The following GSE1 variants were observed in gnomAD, a reference collection of about 807,000 sequenced individuals.
GSE1 encodes the protein Gse1 coiled-coil protein, also known as genetic suppressor element 1.
GSE1 carries 32 observed loss-of-function variants against 112.6 expected under a neutral mutation model. That is an observed-to-expected ratio of 0.28 (90% CI 0.21 to 0.38). The LOEUF is 0.38. Ranked by LOEUF, GSE1 falls within the 10% of genes least tolerant of loss-of-function variation. The pLI, the probability that GSE1 is intolerant of heterozygous loss-of-function variation, is 1.00. For synonymous variants in GSE1, 1,115 were observed against 735.6 expected (o/e 1.52, Z -8.35); for missense variants, 2,348 against 1,699.2 (o/e 1.38, Z -6.71).
upstream of GSE1, among the ~76,000 whole-genome samples, chr16:85,608,447 G>A (rs922123012): frequency 2.4e-4 from 28 of 118,506 alleles, no homozygotes; most frequent in African/African-American, 9.0e-4. Flanking sequence ...TCCCTCCCCC[G>A]GCCCCCAACC....
intron 1 of GSE1, among the ~76,000 whole-genome samples, chr16:85,296,326 C>G (rs185783526): frequency 6.6e-6 from 1 of 152,090 alleles, no homozygotes. Flanking sequence ...AACAAAGGGC[C>G]GGGTGCAGTG....
intron 1 of GSE1, among the ~76,000 whole-genome samples, chr16:85,328,806 G>T (rs1597401037): frequency 3.4e-4 from 1 of 2,900 alleles, no homozygotes; most frequent in Non-Finnish European, 6.8e-4. Context: ...TCCCCGCCCC[G>T]GGGCCTCCCC....
chr16:85,323,718 C>T (rs938938994), intron 1 of GSE1, among the ~76,000 whole-genome samples: 1 of 152,216 alleles, frequency 6.6e-6, no homozygotes, highest in Admixed American at 6.5e-5. Flanking sequence ...GGGCCGGCCC[C>T]AAGGGGGGCA....
rs552815571 is a variant in GSE1 at position 85,289,878 on chromosome 16, C to T, written c.2284-67585C>T. ...CCACGGTTTTACTCAGAAAGAAGCC[C>T]CTGGTAGAGCTTCTGAGCATGTGTG... is the stretch of plus-strand genomic sequence containing the variant. On this transcript the variant is annotated intron_variant, in intron 1 of 2. Transcript: ENST00000637419. Among the ~76,000 whole-genome samples, 7 of 152,258 alleles carry T rather than the reference C, an allele frequency of 4.6e-5. No homozygotes were observed. The East Asian group carries it at 1.2e-3, about 25-fold the overall frequency.
chr16:85,172,707 T>A (rs765966490), intron 1 of GSE1, among the ~76,000 whole-genome samples: 2 of 152,224 alleles, frequency 1.3e-5, no homozygotes, highest in East Asian at 3.9e-4. Flanking sequence ...ACGCCTGTAG[T>A]GGCAGCTGCT....
chr16:85,501,421 CT>C (rs1157869051), intron 2 of GSE1, among the ~76,000 whole-genome samples: 1 of 122,772 alleles, frequency 8.1e-6, no homozygotes, highest in Non-Finnish European at 1.6e-5. Context: ...GGGATGGAGT[CT>C]TACTGTGTTG....
intron 2 of GSE1, among the ~76,000 whole-genome samples, chr16:85,538,244 C>T (rs1472376638): frequency 6.6e-6 from 1 of 152,252 alleles, no homozygotes; most frequent in Non-Finnish European, 1.5e-5. Flanking sequence ...TAAATATTGC[C>T]TCTGCCCTTT....
At chr16:85,173,804 T>C (rs778109445) in intron 1 of GSE1, among the ~76,000 whole-genome samples, 2 of 152,192 alleles carry the variant, frequency 1.3e-5, no homozygotes, top group South Asian at 2.1e-4. Flanking sequence ...GACAGTAGTC[T>C]GGTGTGGACG....
intron 1 of GSE1, among the ~76,000 whole-genome samples, chr16:85,193,887 GC>G (rs2074876154): frequency 6.6e-6 from 1 of 152,202 alleles, no homozygotes; most frequent in Non-Finnish European, 1.5e-5. Context: ...ATAGTACAAT[GC>G]CACAGTCAGG....
intron 1 of GSE1, among the ~76,000 whole-genome samples, chr16:85,181,154 G>A (rs2074575226): frequency 6.6e-6 from 1 of 152,216 alleles, no homozygotes; most frequent in African/African-American, 2.4e-5. Flanking sequence ...ATCCTTCTGG[G>A]TCTCATCTGG....
chr16:85,439,762 G>A (rs12598093), intron 2 of GSE1, among the ~76,000 whole-genome samples: 2 of 150,836 alleles, frequency 1.3e-5, no homozygotes, highest in Non-Finnish European at 3.0e-5. Context: ...CACACACACA[G>A]ACACACACAC....
At chr16:85,670,924 A>G in intron 14 of GSE1, 71 bp from the exon 15 acceptor site, 11 of 929,346 alleles carry the variant, frequency 1.2e-5, no homozygotes, top group Non-Finnish European at 1.8e-5. Flanking sequence ...CAGGGTGTGA[A>G]GAGGAGAGCA....
At chr16:85,650,714 T>C (rs952996018) in intron 3 of GSE1, among the ~76,000 whole-genome samples, 1 of 152,134 alleles carries the variant, frequency 6.6e-6, no homozygotes, top group African/African-American at 2.4e-5. Flanking sequence ...TAGCAGGTGA[T>C]GTACGGCTCC....
chr16:85,176,077 C>T (rs896583080), intron 1 of GSE1, among the ~76,000 whole-genome samples: 1 of 152,182 alleles, frequency 6.6e-6, no homozygotes, highest in African/African-American at 2.4e-5. Context: ...CAGCCTCCCC[C>T]TCCTGAGCTC....
rs375408371 is a variant in GSE1 at position 85,644,528 on chromosome 16, G to A, written c.227-4024G>A. Among the ~76,000 whole-genome samples, 9 of 152,140 alleles carry A rather than the reference G, an allele frequency of 5.9e-5. No individual in the cohort carries two copies. The East Asian group carries it at 1.3e-3, about 23-fold the overall frequency. Reference sequence around the variant, plus strand: ...TTAGGTGCTGCAATGTGGATGAACCGTGAAGACACGGCTCCCAGTGAGAGG... The same window carrying A: ...TTAGGTGCTGCAATGTGGATGAACCATGAAGACACGGCTCCCAGTGAGAGG... On this transcript the variant is annotated intron_variant, in intron 2 of 15. Transcript: ENST00000253458.
intron 2 of GSE1, among the ~76,000 whole-genome samples, chr16:85,637,830 C>T (rs2050129302): frequency 6.6e-6 from 1 of 152,208 alleles, no homozygotes; most frequent in Non-Finnish European, 1.5e-5. Flanking sequence ...CCCAAGAGAG[C>T]ACCAAGCCCC....
chr16:85,567,212 G>A (rs1389707643), intron 1 of GSE1, among the ~76,000 whole-genome samples: 7 of 152,168 alleles, frequency 4.6e-5, no homozygotes, highest in African/African-American at 1.4e-4. Context: ...GGGATGGGGC[G>A]GCTGGTGGGT....
At chr16:85,368,340 G>A (rs1030359880) in intron 2 of GSE1, among the ~76,000 whole-genome samples, 6 of 152,116 alleles carry the variant, frequency 3.9e-5, no homozygotes, top group Non-Finnish European at 7.4e-5. Flanking sequence ...CTGGAGCATC[G>A]GAGGAGAGCC....
In GSE1 at chr16:85,673,451, T is replaced by G. The variant is rs565328397; in HGVS notation, c.*912T>G. The G allele has an allele frequency of 6.6e-6, 1 of 152,148 alleles. No individual in the cohort carries two copies. Among genetic ancestry groups the G allele is most frequent in the South Asian group, 2.1e-4 (1 of 4,798 alleles). 9.4% of individuals were successfully genotyped at this position (152,148 alleles called of 1,614,324 possible). A position where few individuals can be genotyped will look rare whatever the true frequency, so the allele number is the denominator to read the frequency against. ...TGTTTGTTTTTCCTGTTTGGGGGTTTTGTTTGTTGTTTTGGTTTTTTTTGG... is the reference window on the plus strand; with the variant it reads ...TGTTTGTTTTTCCTGTTTGGGGGTTGTGTTTGTTGTTTTGGTTTTTTTTGG... On this transcript the variant is annotated 3_prime_UTR_variant, in exon 16 of 16. Transcript: ENST00000253458.
Sources: allele counts gnomAD v4.1 joint callset (sites outside exome capture counted in the v4.1 genomes callset), GRCh38; gene constraint gnomAD v4.1.1; transcripts MANE v1.5; gene names NCBI Gene and HGNC (gene_info 2026-07-23, HGNC 2026-07-21).